USP45: variants seen among roughly 807,000 people sequenced by gnomAD.
USP45 encodes ubiquitin specific peptidase 45, also known as ubiquitin carboxyl-terminal hydrolase 45.
A neutral mutation model predicts 95.8 loss-of-function variants in USP45; 89 were observed. That is an observed-to-expected ratio of 0.93 (90% CI 0.78 to 1.11). The LOEUF is 1.11. USP45 is among the 50% of genes least tolerant of loss of function. The pLI, the probability that USP45 is intolerant of heterozygous loss-of-function variation, is 0.00. For synonymous variants in USP45, 281 were observed against 316.2 expected, an observed-to-expected ratio of 0.89 and a Z score of 1.18; for missense variants, 898 against 942.5, an observed-to-expected ratio of 0.95 and a Z score of 0.62.
At chr6:99,509,604 G>A (rs1799313763) in intron 2 of USP45, among the ~76,000 whole-genome samples, 1 of 151,328 alleles carries the variant, frequency 6.6e-6, no homozygotes, top group Non-Finnish European at 1.5e-5. Context: ...GCCAAGCTCT[G>A]GTGGCTTGGT....
chr6:99,483,844 CAAAAAA>C (rs71276584), intron 7 of USP45, among the ~76,000 whole-genome samples: 1 of 86,586 alleles, frequency 1.2e-5, no homozygotes, highest in Non-Finnish European at 2.1e-5. Flanking sequence ...GACTCCGTCT[CAAAAAA>C]AAAAAAAAAA....
rs77327061 is a variant in USP45, at chr6:99,506,650, A to G, written c.377+778T>C. ...ACCTGGATTTTTACTTCATAACCAC[A>G]AAAAGGTAAATATTACATAGTTTCC... On this transcript the variant is annotated intron_variant, in intron 4 of 17. Transcript: ENST00000500704. 4.6e-3 allele frequency among the ~76,000 whole-genome samples: 704 copies of G among 152,292 alleles called. 10 individuals are homozygous for G. The highest frequency in any genetic ancestry group is 0.016 in the African/African-American group (680 of 41,560).
intron 5 of USP45, among the ~76,000 whole-genome samples, chr6:99,496,412 A>G (rs1187657202): frequency 6.6e-6 from 1 of 152,182 alleles, no homozygotes; most frequent in Non-Finnish European, 1.5e-5. Context: ...ATTTAAAAAA[A>G]AAAAGATACA....
At chr6:99,456,520 G>A (rs1212805017) in intron 13 of USP45, among the ~76,000 whole-genome samples, 5 of 152,194 alleles carry the variant, frequency 3.3e-5, no homozygotes, top group East Asian at 1.9e-4. Context: ...ACATTTATTA[G>A]TTCCCCAAAT....
intron 9 of USP45, among the ~76,000 whole-genome samples, chr6:99,473,588 T>G (rs1790001169): frequency 6.6e-6 from 1 of 151,716 alleles, no homozygotes; most frequent in Non-Finnish European, 1.5e-5. Context: ...AAACCCCATT[T>G]CTACTAAAAG....
rs1583253331 is a variant in USP45 at position 99,479,035 on chromosome 6, T to C, written c.846-2805A>G. On this transcript the variant is annotated intron_variant, in intron 8 of 17. Coordinates refer to ENST00000500704, the MANE Select transcript of USP45 (RefSeq NM_001346022.3). ...AACAAAAAAAAAAACAGGTAAGGGG[T>C]ATACCACCCAGGGATGGAGTTTAGG... Among the ~76,000 whole-genome samples, 5 of 146,504 alleles carry C rather than the reference T, an allele frequency of 3.4e-5. No individual in the cohort carries two copies. The South Asian group carries it at 1.1e-3, about 32-fold the overall frequency.
chr6:99,505,594 T>C (rs983674373), intron 4 of USP45, among the ~76,000 whole-genome samples: 1 of 132,750 alleles, frequency 7.5e-6, no homozygotes, highest in African/African-American at 2.9e-5. Flanking sequence ...TGAGCCGAGA[T>C]CACGCCACTG....
rs1200497689 is a variant in USP45, at chr6:99,443,584, T to A, written c.2054A>T (p.His685Leu). 6.2e-7 allele frequency: 1 copy of A among 1,607,928 alleles called. No homozygotes were observed. The highest frequency in any genetic ancestry group is 8.5e-7 in the Non-Finnish European group (1 of 1,176,600). Residue 685 changes from histidine to leucine, a missense_variant, in exon 15 of 18, where the codon CAC becomes CTC. Coordinates refer to ENST00000500704, the MANE Select transcript of USP45 (RefSeq NM_001346022.3). ...ISAVPAVLIL[H>L]LKRFHQAGLS... ...ACTTACCTGATGAAATCTTTTCAGGTGGAGAATTAGGACAGCTGGAACAGC... is the reference window on the plus strand; with the variant it reads ...ACTTACCTGATGAAATCTTTTCAGGAGGAGAATTAGGACAGCTGGAACAGC...
chr6:99,513,125 A>G lies in USP45; in HGVS notation c.-11+2267T>C, dbSNP rs2128829621. Reference sequence around the variant, plus strand: ...AAGAGTGCAGCATTACATGTACCCAAAAATAGGTGAACCGGAATACTTGTG... The same window carrying G: ...AAGAGTGCAGCATTACATGTACCCAGAAATAGGTGAACCGGAATACTTGTG... On this transcript the variant is annotated intron_variant, in intron 1 of 17. Transcript: ENST00000500704. Among the ~76,000 whole-genome samples the G allele has an allele frequency of 2.0e-5, 3 of 152,286 alleles. 1 individual carries two copies. Among genetic ancestry groups the G allele is most frequent in the Middle Eastern group, 6.8e-3 (2 of 294 alleles).
At chr6:99,461,226 T>C (rs1445058951) in intron 13 of USP45, 2 of 985,288 alleles carry the variant, frequency 2.0e-6, no homozygotes, top group East Asian at 1.1e-4. Context: ...AGGATATCAA[T>C]TTGAGATTTT....
At chr6:99,439,975 A>C (rs976237858) in intron 15 of USP45, 120 bp from the exon 16 acceptor site, 4 of 594,590 alleles carry the variant, frequency 6.7e-6, no homozygotes. Flanking sequence ...AAATGTGACT[A>C]ATGTATAGTC....
At chr6:99,510,304 T>TACAC in intron 1 of USP45, 74 bp from the exon 2 acceptor site, 1 of 1,018,388 alleles carries the variant, frequency 9.8e-7, no homozygotes, top group Non-Finnish European at 1.5e-6. Flanking sequence ...ATTTAATGTG[T>TACAC]ATTAAAACTG....
chr6:99,441,932 T>G (rs1172620204), intron 15 of USP45, among the ~76,000 whole-genome samples: 1 of 152,226 alleles, frequency 6.6e-6, no homozygotes, highest in East Asian at 1.9e-4. Context: ...TTAAGTGTTG[T>G]GGATGTTTCT....
At chr6:99,477,880 A>G (rs1791274602) in intron 8 of USP45, among the ~76,000 whole-genome samples, 1 of 152,188 alleles carries the variant, frequency 6.6e-6, no homozygotes, top group African/African-American at 2.4e-5. Context: ...ACCAAGATGG[A>G]CACATATTCT....
At chr6:99,488,962 AC>A (rs1187841030) in intron 5 of USP45, 142 bp from the exon 6 acceptor site, 1 of 626,130 alleles carries the variant, frequency 1.6e-6, no homozygotes, top group African/African-American at 1.9e-5. Flanking sequence ...GAATATAAAC[AC>A]AACTATCTTT....
chr6:99,449,346 CA>C (rs915222235), intron 13 of USP45, among the ~76,000 whole-genome samples: 5 of 151,516 alleles, frequency 3.3e-5, no homozygotes, highest in Admixed American at 6.6e-5. Context: ...AAATGGAAAA[CA>C]AAAAAAGGCA....
intron 1 of USP45, among the ~76,000 whole-genome samples, chr6:99,512,889 A>C (rs138082817): frequency 1.3e-5 from 2 of 152,268 alleles, no homozygotes; most frequent in East Asian, 3.9e-4. Context: ...CTCTGACAGC[A>C]ACTTCCCAGT....
chr6:99,459,886 G>T (rs1314078453), intron 13 of USP45, among the ~76,000 whole-genome samples: 2 of 152,034 alleles, frequency 1.3e-5, no homozygotes. Context: ...GAGAGGAGTG[G>T]GGTCTAGGGA....
rs1285700074 is a variant in USP45 at position 99,462,657 on chromosome 6, G to C, written c.1308+1947C>G. 8 of 985,444 alleles carry C rather than the reference G, an allele frequency of 8.1e-6. No individual in the cohort carries two copies. In the East Asian group the frequency reaches 7.9e-4, roughly 98 times the overall value. 61.0% of individuals were successfully genotyped at this position (985,444 alleles called of 1,614,324 possible). On this transcript the variant is annotated intron_variant, in intron 13 of 17. Coordinates refer to ENST00000500704, the MANE Select transcript of USP45 (RefSeq NM_001346022.3). ...CATGTTGTCCTTTCTGAAGTCTTGT[G>C]ACTTCTAACATAAGTCTTCTAACAG... is the stretch of plus-strand genomic sequence containing the variant.
Sources: allele counts gnomAD v4.1 joint callset (sites outside exome capture counted in the v4.1 genomes callset), GRCh38; gene constraint gnomAD v4.1.1; transcripts MANE v1.5; gene names NCBI Gene and HGNC (gene_info 2026-07-23, HGNC 2026-07-21).